COBL: variants seen among roughly 807,000 people sequenced by gnomAD.
COBL encodes the protein protein cordon-bleu.
Under a neutral mutation model 98.8 loss-of-function variants are expected in COBL, and 51 were observed. The ratio of observed to expected loss-of-function variants is 0.52; its 90% CI spans 0.41 to 0.65. The LOEUF is 0.65. Ranked by LOEUF, COBL falls within the 30% of genes least tolerant of loss-of-function variation. The pLI is 0.00. For missense variants in COBL, 1,617 were observed against 1,617.5 expected, an observed-to-expected ratio of 1.00 and a Z score of 0.01; for synonymous variants, 634 against 651.7, an observed-to-expected ratio of 0.97 and a Z score of 0.41.
At chr7:51,180,702 T>A (rs1409664285) in intron 5 of COBL, among the ~76,000 whole-genome samples, 1 of 152,222 alleles carries the variant, frequency 6.6e-6, no homozygotes, top group African/African-American at 2.4e-5. Context: ...AGCAGACTAT[T>A]GTTTTTGTGA....
At chr7:51,273,638 T>A (rs774035638) in intron 1 of COBL, among the ~76,000 whole-genome samples, 8 of 152,216 alleles carry the variant, frequency 5.3e-5, no homozygotes, top group Non-Finnish European at 8.8e-5. Context: ...TCTGAGTGAC[T>A]GGACAGCTAC....
intron 5 of COBL, among the ~76,000 whole-genome samples, chr7:51,167,735 C>T (rs1021878700): frequency 2.0e-5 from 3 of 152,046 alleles, no homozygotes; most frequent in East Asian, 1.9e-4. Flanking sequence ...CAGACACACA[C>T]ACCAACAGAA....
In COBL at chr7:51,056,922, C is replaced by A. The variant is rs6953372; in HGVS notation, c.1097-13230G>T. On this transcript the variant is annotated intron_variant, in intron 7 of 12. Coordinates refer to ENST00000265136, the MANE Select transcript of COBL (RefSeq NM_015198.5). Reference sequence around the variant, plus strand: ...CTGCAGTTTGTTACTTGTGATCAACCAAGATATTAAATGAACAATTGCAGA... The same window carrying A: ...CTGCAGTTTGTTACTTGTGATCAACAAAGATATTAAATGAACAATTGCAGA... Among the ~76,000 whole-genome samples the A allele has an allele frequency of 3.4e-3, 512 of 151,672 alleles. 2 individuals are homozygous for A. Among genetic ancestry groups the A allele is most frequent in the African/African-American group, 0.011 (446 of 41,336 alleles).
intron 5 of COBL, among the ~76,000 whole-genome samples, chr7:51,166,678 G>A (rs1787346975): frequency 6.6e-6 from 1 of 152,042 alleles, no homozygotes; most frequent in Non-Finnish European, 1.5e-5. Flanking sequence ...CAATATCTCT[G>A]ATGAATATAA....
At chr7:51,228,064 T>G (rs1239730544) in intron 1 of COBL, among the ~76,000 whole-genome samples, 1 of 152,160 alleles carries the variant, frequency 6.6e-6, no homozygotes, top group Non-Finnish European at 1.5e-5. Context: ...AGGCACTGTC[T>G]GTTGAAAGTC....
intron 2 of COBL, among the ~76,000 whole-genome samples, chr7:51,214,947 A>C (rs1399481459): frequency 2.0e-5 from 3 of 152,138 alleles, no homozygotes; most frequent in Admixed American, 6.5e-5. Context: ...TTCTCAGCCT[A>C]GCTTCAAGCA....
At chr7:51,087,462 A>AT (rs923154618) in intron 6 of COBL, among the ~76,000 whole-genome samples, 1 of 151,952 alleles carries the variant, frequency 6.6e-6, no homozygotes, top group Non-Finnish European at 1.5e-5. Context: ...CCTTATGGAT[A>AT]TTCCACCTGT....
At chr7:51,285,330 A>T (rs62448330) in intron 1 of COBL, among the ~76,000 whole-genome samples, 19,267 of 151,854 alleles carry the variant, frequency 0.13, 1,653 homozygotes, top group East Asian at 0.37. Context: ...AGAGAAATAA[A>T]CCACACCTTT....
intron 1 of COBL, among the ~76,000 whole-genome samples, chr7:51,233,929 C>A (rs961930395): frequency 2.6e-5 from 4 of 152,190 alleles, no homozygotes; most frequent in African/African-American, 9.7e-5. Flanking sequence ...ACCTTACAAT[C>A]TTATTTCTGC....
Position 51,171,266 on chromosome 7 carries a change from T to C in COBL, c.783+12836A>G, listed in dbSNP as rs530349697. On this transcript the variant is annotated intron_variant, in intron 5 of 12. Coordinates refer to ENST00000265136, the MANE Select transcript of COBL (RefSeq NM_015198.5). ...TCGGATGGCTCCCAAATTTTAGCTA[T>C]TGACAAATTTGAAAGATAATCTAAT... Among the ~76,000 whole-genome samples, 12 of 152,260 alleles carry C rather than the reference T, an allele frequency of 7.9e-5. No individual in the cohort carries two copies. The East Asian group carries it at 1.5e-3, about 20-fold the overall frequency.
intron 8 of COBL, chr7:51,034,068 T>A (rs1414711800): frequency 6.5e-6 from 1 of 152,896 alleles, no homozygotes; most frequent in Non-Finnish European, 1.5e-5. Context: ...TAGTCCTTCA[T>A]CCCTGTGTTT....
At chr7:51,147,668 G>A (rs10277336) in intron 5 of COBL, among the ~76,000 whole-genome samples, 13,581 of 152,174 alleles carry the variant, frequency 0.089, 675 homozygotes, top group Admixed American at 0.16. Flanking sequence ...CCTAACGCCC[G>A]CTTGGACTAG....
chr7:51,272,454 A>C (rs749980042), intron 1 of COBL, among the ~76,000 whole-genome samples: 8 of 152,232 alleles, frequency 5.3e-5, no homozygotes, highest in Non-Finnish European at 7.3e-5. Flanking sequence ...AGAACTACAA[A>C]ATAGTTAAAA....
intron 4 of COBL, among the ~76,000 whole-genome samples, chr7:51,184,446 T>C (rs1789292073): frequency 1.3e-5 from 2 of 152,224 alleles, no homozygotes; most frequent in Non-Finnish European, 2.9e-5. Flanking sequence ...CTGGGTGTGG[T>C]TGTGCCCTTT....
rs184081406 is a variant in COBL at position 51,149,080 on chromosome 7, G to A, written c.784-12749C>T. Among the ~76,000 whole-genome samples the A allele has an allele frequency of 3.2e-4, 48 of 152,220 alleles. No homozygotes were observed. In the East Asian group the frequency reaches 3.3e-3, roughly 10 times the overall value. Reference sequence around the variant, plus strand: ...TTTGCTATAAACCCCAAGCCCGAAGGGGCATTTATCTTCCCCATATGGCCC... The same window carrying A: ...TTTGCTATAAACCCCAAGCCCGAAGAGGCATTTATCTTCCCCATATGGCCC... On this transcript the variant is annotated intron_variant, in intron 5 of 12. Coordinates refer to ENST00000265136, the MANE Select transcript of COBL (RefSeq NM_015198.5).
chr7:51,092,418 C>T (rs982053773), intron 6 of COBL, among the ~76,000 whole-genome samples: 2 of 152,194 alleles, frequency 1.3e-5, no homozygotes, highest in African/African-American at 4.8e-5. Flanking sequence ...GCAGGCCTTA[C>T]ATTTAACTTT....
Position 51,221,037 on chromosome 7 carries a change from A to T in COBL, c.42-1093T>A, listed in dbSNP as rs115751317. 3.3e-3 allele frequency among the ~76,000 whole-genome samples: 504 copies of T among 152,286 alleles called. 4 individuals carry two copies. The highest frequency in any genetic ancestry group is 0.012 in the African/African-American group (483 of 41,540). On this transcript the variant is annotated intron_variant, in intron 1 of 12. Transcript: ENST00000265136. ...AGTACTTACTCGATACTTAACATCCACTAGGACCTATGCTAATAATAACCT... is the reference window on the plus strand; with the variant it reads ...AGTACTTACTCGATACTTAACATCCTCTAGGACCTATGCTAATAATAACCT...
chr7:51,022,443 T>C (rs1198350276), intron 12 of COBL, among the ~76,000 whole-genome samples: 1 of 152,212 alleles, frequency 6.6e-6, no homozygotes, highest in Non-Finnish European at 1.5e-5. Context: ...CAAGCATGCC[T>C]GGGCCTCGCA....
chr7:51,175,789 A>G (rs1327666873), intron 5 of COBL, among the ~76,000 whole-genome samples: 1 of 152,202 alleles, frequency 6.6e-6, no homozygotes, highest in African/African-American at 2.4e-5. Flanking sequence ...CAATTTAGAA[A>G]GACAAAGGTT....
Sources: gnomAD v4.1 joint callset for allele counts (sites outside exome capture counted in the v4.1 genomes callset) on GRCh38, gnomAD v4.1.1 for gene constraint, MANE v1.5 for transcripts, NCBI Gene and HGNC (gene_info 2026-07-23, HGNC 2026-07-21) for gene names.